HECW1: variants seen among roughly 807,000 people sequenced by gnomAD.
The protein encoded by HECW1 is E3 ubiquitin-protein ligase HECW1.
A neutral mutation model predicts 182.3 loss-of-function variants in HECW1; 61 were observed. The observed-to-expected ratio is 0.33, with a 90% CI of 0.27 to 0.41. The LOEUF is 0.41. Ranked by LOEUF, HECW1 falls within the 10% of genes least tolerant of loss-of-function variation. The pLI, the probability that HECW1 is intolerant of heterozygous loss-of-function variation, is 1.00. For missense variants in HECW1, 1,739 were observed against 2,108.9 expected (o/e 0.82, Z 3.44); for synonymous variants, 859 against 832.6 (o/e 1.03, Z -0.55).
intron 8 of HECW1, among the ~76,000 whole-genome samples, chr7:43,430,772 A>G (rs532198801): frequency 2.4e-5 from 1 of 41,562 alleles, no homozygotes; most frequent in Non-Finnish European, 4.9e-5. Context: ...CTCCATTTTT[A>G]TTTTTCTTTA....
intron 5 of HECW1, among the ~76,000 whole-genome samples, chr7:43,332,198 A>G (rs1049215436): frequency 6.6e-6 from 1 of 152,198 alleles, no homozygotes; most frequent in Non-Finnish European, 1.5e-5. Context: ...GATCTCTACA[A>G]AAATAAATAA....
chr7:43,214,797 C>G (rs187279254), intron 2 of HECW1, among the ~76,000 whole-genome samples: 116 of 152,334 alleles, frequency 7.6e-4, no homozygotes, highest in Non-Finnish European at 1.5e-3. Flanking sequence ...AGAGAGGGGC[C>G]AGCTCACAGC....
At chr7:43,557,119 G>A (rs2082054010) in intron 29 of HECW1, among the ~76,000 whole-genome samples, 1 of 152,176 alleles carries the variant, frequency 6.6e-6, no homozygotes, top group Non-Finnish European at 1.5e-5. Flanking sequence ...TGGATAGAAA[G>A]AAAGAACCTC....
At chr7:43,375,461 CTAAT>C (rs1159616001) in intron 6 of HECW1, among the ~76,000 whole-genome samples, 2 of 152,016 alleles carry the variant, frequency 1.3e-5, no homozygotes, top group Non-Finnish European at 2.9e-5. Context: ...AATAAGGAAA[CTAAT>C]TACTTATAAA....
At chr7:43,396,597 C>T in intron 6 of HECW1, 1 of 451,914 alleles carries the variant, frequency 2.2e-6, no homozygotes, top group South Asian at 3.1e-5. Context: ...TTCCATTTTC[C>T]TGAAAAGTAC....
intron 3 of HECW1, among the ~76,000 whole-genome samples, chr7:43,250,392 C>CCACAG (rs1486544266): frequency 6.6e-6 from 1 of 152,166 alleles, no homozygotes; most frequent in Non-Finnish European, 1.5e-5. Flanking sequence ...TGAGCGCCTA[C>CCACAG]TGTGTACCAG....
At chr7:43,334,100 G>A (rs1010869517) in intron 5 of HECW1, among the ~76,000 whole-genome samples, 3 of 152,210 alleles carry the variant, frequency 2.0e-5, no homozygotes, top group African/African-American at 7.2e-5. Context: ...GTTGTGCATA[G>A]CCACAGCTGT....
At chr7:43,306,755 C>T (rs1420892879) in intron 3 of HECW1, among the ~76,000 whole-genome samples, 1 of 151,974 alleles carries the variant, frequency 6.6e-6, no homozygotes, top group Non-Finnish European at 1.5e-5. Context: ...TAAAAACTGA[C>T]AGAGCAGAAT....
chr7:43,364,783 G>A (rs750840158), intron 6 of HECW1, among the ~76,000 whole-genome samples: 1 of 152,190 alleles, frequency 6.6e-6, no homozygotes, highest in Admixed American at 6.5e-5. Context: ...TGTCTTATTA[G>A]TAGCACCTAT....
At chr7:43,417,519 C>G (rs2076050018) in intron 8 of HECW1, among the ~76,000 whole-genome samples, 1 of 152,042 alleles carries the variant, frequency 6.6e-6, no homozygotes, top group Non-Finnish European at 1.5e-5. Context: ...GATATTTTCA[C>G]TGGATATAGA....
intron 2 of HECW1, among the ~76,000 whole-genome samples, chr7:43,153,945 T>C (rs1466348615): frequency 6.6e-6 from 1 of 152,078 alleles, no homozygotes; most frequent in Non-Finnish European, 1.5e-5. Context: ...TTTTGAAGAT[T>C]GTAATTTTTT....
At chr7:43,286,354 C>T (rs1241429062) in intron 3 of HECW1, among the ~76,000 whole-genome samples, 1 of 152,172 alleles carries the variant, frequency 6.6e-6, no homozygotes, top group Non-Finnish European at 1.5e-5. Context: ...TGCCCTATGA[C>T]AGCCTTCCTT....
intron 2 of HECW1, among the ~76,000 whole-genome samples, chr7:43,234,148 G>A (rs898359085): frequency 2.0e-5 from 3 of 152,214 alleles, no homozygotes; most frequent in Admixed American, 6.5e-5. Flanking sequence ...GCTCTCTTCT[G>A]TCTACAATTC....
At chr7:43,430,095 G>A (rs1448958770) in intron 8 of HECW1, among the ~76,000 whole-genome samples, 1 of 152,094 alleles carries the variant, frequency 6.6e-6, no homozygotes, top group Non-Finnish European at 1.5e-5. Flanking sequence ...TCATAAATTT[G>A]TGAGTGTGCA....
chr7:43,132,201 T>C (rs1306026170), intron 2 of HECW1, among the ~76,000 whole-genome samples: 2 of 151,466 alleles, frequency 1.3e-5, no homozygotes, highest in Admixed American at 6.6e-5. Context: ...GGTGTTTCTC[T>C]TGCCAATTTG....
intron 24 of HECW1, among the ~76,000 whole-genome samples, chr7:43,513,305 C>T (rs531951285): frequency 2.6e-5 from 4 of 152,330 alleles, no homozygotes; most frequent in Non-Finnish European, 4.4e-5. Flanking sequence ...CTCTCCACGA[C>T]GCGTGAATGC....
intron 26 of HECW1, among the ~76,000 whole-genome samples, chr7:43,544,494 A>T (rs2081481621): frequency 6.6e-6 from 1 of 152,190 alleles, no homozygotes; most frequent in Admixed American, 6.5e-5. Context: ...AGAGAAACAG[A>T]CCTTCTTGTC....
At chr7:43,263,984 A>G (rs1801465982) in intron 3 of HECW1, among the ~76,000 whole-genome samples, 1 of 152,256 alleles carries the variant, frequency 6.6e-6, no homozygotes, top group Non-Finnish European at 1.5e-5. Context: ...TTATCCCAAC[A>G]AATATATATT....
chr7:43,168,266 GAGAC>G (rs1260803822), intron 2 of HECW1, among the ~76,000 whole-genome samples: 10 of 152,178 alleles, frequency 6.6e-5, no homozygotes, highest in Non-Finnish European at 1.5e-4. Context: ...GCCTGTGTGA[GAGAC>G]AGAGAGAGAG....
Sources: allele counts gnomAD v4.1 joint callset (sites outside exome capture counted in the v4.1 genomes callset), GRCh38; gene constraint gnomAD v4.1.1; transcripts MANE v1.5; gene names NCBI Gene and HGNC (gene_info 2026-07-23, HGNC 2026-07-21).